The following CTSB variants were observed in gnomAD, a reference collection of about 807,000 sequenced individuals.
The protein encoded by CTSB is APP secretase.
A neutral mutation model predicts 44.3 loss-of-function variants in CTSB; 57 were observed. That is an observed-to-expected ratio of 1.29 (90% CI 1.04 to 1.60). The LOEUF is 1.60. Among genes scored for constraint, CTSB ranks in the 40% most tolerant of loss-of-function variants. The pLI is 0.00. For missense variants in CTSB, 768 were observed against 443.0 expected (o/e 1.73, Z -6.59); for synonymous variants, 320 against 168.0 (o/e 1.91, Z -7.00).
chr8:11,865,208 A>G (rs1816949385), intron 1 of CTSB, among the ~76,000 whole-genome samples: 1 of 152,124 alleles, frequency 6.6e-6, no homozygotes, highest in Admixed American at 6.6e-5. Context: ...AATATCACTC[A>G]ACCGCACATG....
rs1388341499 is a variant in CTSB, at chr8:11,844,029, T to A, written c.*1096A>T. On this transcript the variant is annotated 3_prime_UTR_variant, in exon 10 of 10. Transcript: ENST00000353047. ...GCCTGGGAGACGGAATCTCACTCTG[T>A]CAGTCACAACAACAACAAAAAAATA... 1 of 152,168 alleles carries A rather than the reference T, an allele frequency of 6.6e-6. No individual in the cohort carries two copies. The highest frequency in any genetic ancestry group is 1.5e-5 in the Non-Finnish European group (1 of 68,038). 9.4% of individuals were successfully genotyped at this position (152,168 alleles called of 1,614,324 possible).
chr8:11,853,733 C>T (rs983087063), intron 1 of CTSB: 2 of 402,698 alleles, frequency 5.0e-6, no homozygotes, highest in Non-Finnish European at 4.5e-6. Context: ...TGGACGAGAC[C>T]GAGTCCAGGG....
chr8:11,843,822 G>C lies in CTSB; in HGVS notation c.*1303C>G, dbSNP rs532970119. On this transcript the variant is annotated 3_prime_UTR_variant, in exon 10 of 10. Coordinates refer to ENST00000353047, the MANE Select transcript of CTSB (RefSeq NM_001908.5). Reference sequence around the variant, plus strand: ...GAGGCAGGCAGACCACCTGAGGCCGGGAGTTTGAAACTAGCCTGGCCAACA... The same window carrying C: ...GAGGCAGGCAGACCACCTGAGGCCGCGAGTTTGAAACTAGCCTGGCCAACA... The C allele has an allele frequency of 6.6e-5, 10 of 152,376 alleles. No homozygotes were observed. The highest frequency in any genetic ancestry group is 5.2e-4 in the Admixed American group (8 of 15,306). 9.4% of individuals were successfully genotyped at this position (152,376 alleles called of 1,614,324 possible).
chr8:11,848,522 G>T, intron 5 of CTSB: 1 of 375,996 alleles, frequency 2.7e-6, no homozygotes, highest in South Asian at 2.2e-5. Context: ...AATGAGAATC[G>T]CCAGTGATTC....
At chr8:11,850,419 CAAAAA>C (rs61067792) in intron 4 of CTSB, among the ~76,000 whole-genome samples, 149 of 53,770 alleles carry the variant, frequency 2.8e-3, no homozygotes, top group African/African-American at 0.011. Context: ...ACTCCATCTC[CAAAAA>C]AAAAAAAAAA....
chr8:11,848,064 TA>T lies in CTSB; in HGVS notation c.532+2del, dbSNP rs1320989623. ...CAGAAAGTGGCCAAGGGGACACACT[TA>T]CCTACATGGGATTCATAGAGGCCAC... On this transcript the variant is annotated splice_donor_variant, in intron 6 of 9. Transcript: ENST00000353047. LOFTEE classifies it high-confidence loss of function. 6.2e-7 allele frequency: 1 copy of T among 1,609,380 alleles called. No individual in the cohort carries two copies. Among genetic ancestry groups the T allele is most frequent in the African/African-American group, 1.3e-5 (1 of 74,744 alleles).
At chr8:11,866,296 C>G (rs1362661831) in intron 1 of CTSB, among the ~76,000 whole-genome samples, 1 of 152,214 alleles carries the variant, frequency 6.6e-6, no homozygotes, top group African/African-American at 2.4e-5. Context: ...CAAAGGGCCA[C>G]CACCCCTCAC....
rs144677372 is a variant in CTSB at position 11,866,802 on chromosome 8, G to T, written c.-26+1199C>A. On this transcript the variant is annotated intron_variant, in intron 1 of 9. Coordinates refer to ENST00000353047, the MANE Select transcript of CTSB (RefSeq NM_001908.5). ...TTGAATTTGGGAGGCGGAAGTTGTA[G>T]TGAGCCGAGATCGCGCCACTGTGCT... is the stretch of plus-strand genomic sequence containing the variant. 2.9e-3 allele frequency among the ~76,000 whole-genome samples: 441 copies of T among 152,356 alleles called. 1 individual carries two copies. The highest frequency in any genetic ancestry group is 9.7e-3 in the African/African-American group (404 of 41,576).
In CTSB at chr8:11,845,042, T is replaced by C; in HGVS notation, c.*83A>G. On this transcript the variant is annotated 3_prime_UTR_variant, in exon 10 of 10. Coordinates refer to ENST00000353047, the MANE Select transcript of CTSB (RefSeq NM_001908.5). ...AGTCCTTCAGACCCTGTCTGAAACT[T>C]GTATCTTACGTGAACTTAAAGAATA... 2 of 954,958 alleles carry C rather than the reference T, an allele frequency of 2.1e-6. No individual in the cohort carries two copies. Among genetic ancestry groups the C allele is most frequent in the Non-Finnish European group, 3.3e-6 (2 of 599,560 alleles). The allele number at this position is 954,958 out of a possible 1,614,324, so 59.2% of individuals were successfully genotyped here.
chr8:11,864,910 CA>C (rs1185835438), intron 1 of CTSB, among the ~76,000 whole-genome samples: 52 of 134,862 alleles, frequency 3.9e-4, no homozygotes, highest in Admixed American at 7.4e-4. Context: ...GAAACTGTCT[CA>C]AAAAAAAAAA....
intron 1 of CTSB, among the ~76,000 whole-genome samples, chr8:11,862,937 A>G (rs1351362311): frequency 6.6e-6 from 1 of 152,246 alleles, no homozygotes; most frequent in African/African-American, 2.4e-5. Context: ...ACCAGACCAA[A>G]GAAGTTACTG....
intron 4 of CTSB, chr8:11,849,441 C>T (rs888986963): frequency 3.9e-5 from 10 of 259,370 alleles, no homozygotes; most frequent in Non-Finnish European, 6.3e-5. Context: ...GAGCCACTTG[C>T]CCCACTCTCC....
intron 1 of CTSB, among the ~76,000 whole-genome samples, chr8:11,863,135 A>G (rs1816664586): frequency 6.6e-6 from 1 of 152,126 alleles, no homozygotes; most frequent in South Asian, 2.1e-4. Flanking sequence ...CAGGATAGTG[A>G]CCTCGTCTCT....
At chr8:11,846,867 AAGAC>A (rs1336687725) in intron 8 of CTSB, among the ~76,000 whole-genome samples, 181 bp downstream of exon 8, 5 of 152,038 alleles carry the variant, frequency 3.3e-5, no homozygotes, top group South Asian at 2.1e-4. Flanking sequence ...CACCTGGACA[AAGAC>A]AGTCAGGTGC....
intron 7 of CTSB, 44 bp from the exon 8 acceptor site, chr8:11,847,212 T>C (rs1456639809): frequency 8.0e-7 from 1 of 1,248,792 alleles, no homozygotes; most frequent in Admixed American, 1.7e-5. Flanking sequence ...GCAGTGACCG[T>C]GCCTCGTGGC....
At chr8:11,863,346 C>A (rs992844647) in intron 1 of CTSB, among the ~76,000 whole-genome samples, 1 of 151,956 alleles carries the variant, frequency 6.6e-6, no homozygotes, top group African/African-American at 2.4e-5. Context: ...GTAATCCCAG[C>A]TACTCAGGGG....
intron 1 of CTSB, among the ~76,000 whole-genome samples, chr8:11,866,751 T>G (rs1159885337): frequency 6.6e-6 from 1 of 152,100 alleles, no homozygotes; most frequent in Non-Finnish European, 1.5e-5. Context: ...TCCCAGCTAC[T>G]CGGGAGGCTG....
chr8:11,857,023 T>G (rs1815628929), intron 1 of CTSB, among the ~76,000 whole-genome samples: 2 of 152,184 alleles, frequency 1.3e-5, no homozygotes, highest in Non-Finnish European at 2.9e-5. Flanking sequence ...CCAATGAGGC[T>G]TCCTCCCTAG....
intron 3 of CTSB, among the ~76,000 whole-genome samples, chr8:11,851,593 C>G (rs1814610508): frequency 6.6e-6 from 1 of 152,118 alleles, no homozygotes; most frequent in Non-Finnish European, 1.5e-5. Flanking sequence ...TTTATTCAGT[C>G]CAGATAGTGT....
Sources: allele counts gnomAD v4.1 joint callset (sites outside exome capture counted in the v4.1 genomes callset), GRCh38; gene constraint gnomAD v4.1.1; transcripts MANE v1.5; gene names NCBI Gene and HGNC (gene_info 2026-07-23, HGNC 2026-07-21).